The following PPM1L variants were observed in gnomAD, a reference collection of about 807,000 sequenced individuals.
PPM1L encodes the protein protein phosphatase 1L.
PPM1L carries 13 observed loss-of-function variants against 31.4 expected under a neutral mutation model. That is an observed-to-expected ratio of 0.41 (90% CI 0.27 to 0.66). The LOEUF is 0.66. PPM1L is among the 30% of genes least tolerant of loss of function. PPM1L has a pLI of 0.29. For missense variants in PPM1L, 326 were observed against 453.7 expected (o/e 0.72, Z 2.56); for synonymous variants, 184 against 175.4 (o/e 1.05, Z -0.39).
At chr3:160,815,785 AT>A (rs1024273356) in intron 1 of PPM1L, among the ~76,000 whole-genome samples, 11 of 152,128 alleles carry the variant, frequency 7.2e-5, no homozygotes, top group Admixed American at 3.3e-4. Context: ...GAGAAAATAG[AT>A]TTTTGCCAAC....
intron 3 of PPM1L, among the ~76,000 whole-genome samples, chr3:161,068,173 C>T (rs183204906): frequency 9.2e-5 from 14 of 152,266 alleles, no homozygotes; most frequent in Admixed American, 7.8e-4. Context: ...CTTCATTTCT[C>T]AACAACCCAA....
At chr3:160,888,043 C>A (rs555960547) in intron 1 of PPM1L, among the ~76,000 whole-genome samples, 37 of 152,120 alleles carry the variant, frequency 2.4e-4, no homozygotes, top group African/African-American at 8.9e-4. Flanking sequence ...GCACTAAATA[C>A]GAAAAGGAAA....
At chr3:160,841,073 C>T (rs1408598136) in intron 1 of PPM1L, among the ~76,000 whole-genome samples, 1 of 152,104 alleles carries the variant, frequency 6.6e-6, no homozygotes, top group Non-Finnish European at 1.5e-5. Flanking sequence ...TGGAATTGTC[C>T]CAGTGTGGAC....
At chr3:160,805,410 G>C (rs1422745849) in intron 1 of PPM1L, among the ~76,000 whole-genome samples, 1 of 152,124 alleles carries the variant, frequency 6.6e-6, no homozygotes, top group African/African-American at 2.4e-5. Context: ...CCACACTGCT[G>C]TTCAACTTTA....
intron 2 of PPM1L, among the ~76,000 whole-genome samples, chr3:161,014,062 A>G (rs1459133174): frequency 6.6e-6 from 1 of 152,170 alleles, no homozygotes; most frequent in Admixed American, 6.6e-5. Context: ...TGATCCTGTC[A>G]TTGTGATGTT....
rs934456319 is a variant in PPM1L, at chr3:161,077,327, G to C, written c.*8170G>C. 1.3e-5 allele frequency: 2 copies of C among 152,112 alleles called. No individual in the cohort carries two copies. The highest frequency in any genetic ancestry group is 2.9e-5 in the Non-Finnish European group (2 of 68,020). The allele number at this position is 152,112 out of a possible 1,614,324, so 9.4% of individuals were successfully genotyped here. On this transcript the variant is annotated 3_prime_UTR_variant, in exon 4 of 4. Transcript: ENST00000498165. Reference sequence around the variant, plus strand: ...TTCTGAAGGATGGGGTGGGGAGTGAGACATGGAGCCTCTGGGGACAAGGAT... The same window carrying C: ...TTCTGAAGGATGGGGTGGGGAGTGACACATGGAGCCTCTGGGGACAAGGAT...
chr3:161,062,286 G>A (rs992497098), intron 2 of PPM1L, among the ~76,000 whole-genome samples: 1 of 152,012 alleles, frequency 6.6e-6, no homozygotes, highest in Non-Finnish European at 1.5e-5. Flanking sequence ...GTTTCTATGA[G>A]TGATCCATTC....
intron 1 of PPM1L, among the ~76,000 whole-genome samples, chr3:160,912,206 A>G (rs530986257): frequency 8.5e-5 from 13 of 152,278 alleles, no homozygotes; most frequent in Non-Finnish European, 1.9e-4. Context: ...GGCCCAGTGA[A>G]AACCTTTCTG....
chr3:160,887,189 C>A (rs1262996274), intron 1 of PPM1L, among the ~76,000 whole-genome samples: 1 of 151,998 alleles, frequency 6.6e-6, no homozygotes, highest in East Asian at 1.9e-4. Flanking sequence ...TGAACAAAGT[C>A]TCCAAGAAAT....
intron 1 of PPM1L, among the ~76,000 whole-genome samples, chr3:160,817,114 G>A (rs1713021031): frequency 6.6e-6 from 1 of 152,128 alleles, no homozygotes; most frequent in South Asian, 2.1e-4. Context: ...CTGTAGATAA[G>A]TTTGGATCTA....
At chr3:160,786,205 A>T (rs1401910277) in intron 1 of PPM1L, among the ~76,000 whole-genome samples, 212 of 62,408 alleles carry the variant, frequency 3.4e-3, no homozygotes, top group Non-Finnish European at 5.0e-3. Context: ...ATATATATAT[A>T]TATTTTTTTT....
intron 2 of PPM1L, among the ~76,000 whole-genome samples, chr3:161,029,642 A>G (rs1368890830): frequency 6.6e-6 from 1 of 152,052 alleles, no homozygotes; most frequent in Non-Finnish European, 1.5e-5. Context: ...ACCTTAATCT[A>G]TTTCCATTTT....
intron 2 of PPM1L, among the ~76,000 whole-genome samples, chr3:160,975,341 G>C (rs1441264444): frequency 6.6e-6 from 1 of 151,972 alleles, no homozygotes; most frequent in Non-Finnish European, 1.5e-5. Flanking sequence ...GCTTAGGATT[G>C]ACTTGGCGAT....
intron 1 of PPM1L, among the ~76,000 whole-genome samples, chr3:160,769,689 A>C (rs578023419): frequency 1.3e-5 from 2 of 152,130 alleles, no homozygotes; most frequent in South Asian, 2.1e-4. Flanking sequence ...ATATTATAGT[A>C]GTTCTTCTGT....
chr3:161,055,108 AG>A (rs1719375082), intron 2 of PPM1L, among the ~76,000 whole-genome samples: 2 of 152,174 alleles, frequency 1.3e-5, no homozygotes. Context: ...AAGTCAGAGC[AG>A]GGGGTACAAG....
At chr3:160,984,915 G>A (rs1319299174) in intron 2 of PPM1L, among the ~76,000 whole-genome samples, 5 of 152,142 alleles carry the variant, frequency 3.3e-5, no homozygotes, top group Non-Finnish European at 1.5e-5. Context: ...GGAATGGGAG[G>A]GAGGGCTGGT....
At chr3:160,949,983 G>T (rs751963177) in intron 1 of PPM1L, among the ~76,000 whole-genome samples, 1 of 152,080 alleles carries the variant, frequency 6.6e-6, no homozygotes, top group Admixed American at 6.6e-5. Flanking sequence ...TGCTTCGTTA[G>T]GTTAGCCTCA....
chr3:161,003,706 C>T (rs1002512952), intron 2 of PPM1L, among the ~76,000 whole-genome samples: 2 of 152,184 alleles, frequency 1.3e-5, no homozygotes, highest in Non-Finnish European at 2.9e-5. Flanking sequence ...TGAGAATTTG[C>T]TGAAGTTGCC....
chr3:160,853,558 A>G (rs985868798), intron 1 of PPM1L, among the ~76,000 whole-genome samples: 1 of 152,214 alleles, frequency 6.6e-6, no homozygotes, highest in Non-Finnish European at 1.5e-5. Flanking sequence ...GTAGTTGACC[A>G]TGGTCAACTA....
Sources: gnomAD v4.1 joint callset for allele counts (sites outside exome capture counted in the v4.1 genomes callset) on GRCh38, gnomAD v4.1.1 for gene constraint, MANE v1.5 for transcripts, NCBI Gene and HGNC (gene_info 2026-07-23, HGNC 2026-07-21) for gene names.